Variants in GALNTL6 observed in about 807,000 individuals in gnomAD.
The protein encoded by GALNTL6 is polypeptide N-acetylgalactosaminyltransferase-like 6.
In GALNTL6, 46 loss-of-function variants were observed where a neutral mutation model predicts 73.7. That is an observed-to-expected ratio of 0.62 (90% CI 0.49 to 0.80). The LOEUF is 0.80. Ranked by LOEUF, GALNTL6 falls within the 30% of genes least tolerant of loss-of-function variation. The pLI, the probability that GALNTL6 is intolerant of heterozygous loss-of-function variation, is 0.00. For synonymous variants in GALNTL6, 259 were observed against 263.7 expected (o/e 0.98, Z 0.17); for missense variants, 604 against 755.0 (o/e 0.80, Z 2.34).
At chr4:172,392,889 G>A (rs1743715543) in intron 5 of GALNTL6, among the ~76,000 whole-genome samples, 2 of 152,184 alleles carry the variant, frequency 1.3e-5, no homozygotes, top group South Asian at 2.1e-4. Context: ...ACCAGTCCCC[G>A]CCCTGTTAAG....
intron 2 of GALNTL6, among the ~76,000 whole-genome samples, chr4:171,863,969 C>T (rs1578921356): frequency 6.6e-6 from 1 of 152,088 alleles, no homozygotes; most frequent in East Asian, 1.9e-4. Context: ...ACCATGTTGG[C>T]CAGGCTGGTC....
chr4:172,188,011 T>C (rs940824049), intron 2 of GALNTL6, among the ~76,000 whole-genome samples: 2 of 152,198 alleles, frequency 1.3e-5, no homozygotes, highest in African/African-American at 4.8e-5. Flanking sequence ...AGAGGTGGGC[T>C]GGTGGCTTAG....
intron 2 of GALNTL6, among the ~76,000 whole-genome samples, chr4:172,031,021 C>G (rs1292849876): frequency 1.3e-5 from 2 of 152,060 alleles, no homozygotes; most frequent in Non-Finnish European, 2.9e-5. Flanking sequence ...CCCATTCTGT[C>G]TCCAAGCTGG....
intron 5 of GALNTL6, among the ~76,000 whole-genome samples, chr4:172,590,834 A>T (rs1237419163): frequency 6.6e-6 from 1 of 152,158 alleles, no homozygotes; most frequent in Non-Finnish European, 1.5e-5. Context: ...AGCTCCTGTA[A>T]AATCCAATAA....
chr4:172,411,920 A>G (rs563713026), intron 5 of GALNTL6, among the ~76,000 whole-genome samples: 141 of 152,112 alleles, frequency 9.3e-4, no homozygotes, highest in Non-Finnish European at 1.4e-3. Flanking sequence ...ATAGAAAAGT[A>G]AAAAGTTAAA....
At chr4:172,703,085 A>AAGG (rs1347731555) in intron 5 of GALNTL6, among the ~76,000 whole-genome samples, 1 of 151,970 alleles carries the variant, frequency 6.6e-6, no homozygotes, top group Non-Finnish European at 1.5e-5. Context: ...AGAATACCCA[A>AAGG]GTCAATGTAA....
At chr4:173,039,113 A>C (rs1481901227) in intron 12 of GALNTL6, among the ~76,000 whole-genome samples, 1 of 152,224 alleles carries the variant, frequency 6.6e-6, no homozygotes, top group Non-Finnish European at 1.5e-5. Flanking sequence ...CTTGCTCACT[A>C]CTTAAACTTT....
At chr4:171,841,833 CTAAG>C (rs1355852575) in intron 2 of GALNTL6, among the ~76,000 whole-genome samples, 3 of 151,682 alleles carry the variant, frequency 2.0e-5, no homozygotes, top group Non-Finnish European at 2.9e-5. Flanking sequence ...AAAAATAAAA[CTAAG>C]TATAGCAATG....
chr4:172,352,571 T>C (rs1054505699), intron 5 of GALNTL6, among the ~76,000 whole-genome samples: 2 of 152,094 alleles, frequency 1.3e-5, no homozygotes, highest in African/African-American at 2.4e-5. Flanking sequence ...GGCATCCACA[T>C]GGAAAATGTT....
At chr4:172,868,502 T>G (rs1744770217) in intron 7 of GALNTL6, among the ~76,000 whole-genome samples, 1 of 152,358 alleles carries the variant, frequency 6.6e-6, no homozygotes, top group Admixed American at 6.5e-5. Flanking sequence ...AACCTGCTTT[T>G]AAGATGCATA....
intron 11 of GALNTL6, among the ~76,000 whole-genome samples, chr4:173,014,943 G>A (rs775482882): frequency 6.6e-6 from 1 of 152,174 alleles, no homozygotes; most frequent in Non-Finnish European, 1.5e-5. Flanking sequence ...ATGTGTCATG[G>A]GAGGGACCCA....
At chr4:172,365,364 T>C (rs969223785) in intron 5 of GALNTL6, among the ~76,000 whole-genome samples, 4 of 152,072 alleles carry the variant, frequency 2.6e-5, no homozygotes, top group African/African-American at 9.7e-5. Flanking sequence ...GTCGGAGATG[T>C]CATTTGTGGT....
chr4:172,789,301 T>C (rs2110923479), intron 5 of GALNTL6, among the ~76,000 whole-genome samples: 1 of 152,344 alleles, frequency 6.6e-6, no homozygotes, highest in East Asian at 1.9e-4. Flanking sequence ...ATGTATTTAG[T>C]GGTTTGTTAT....
intron 8 of GALNTL6, among the ~76,000 whole-genome samples, chr4:172,926,102 A>C (rs1401362996): frequency 1.3e-5 from 2 of 152,186 alleles, no homozygotes; most frequent in Admixed American, 6.5e-5. Flanking sequence ...GTCTGATATC[A>C]GAGTGCCAGC....
intron 2 of GALNTL6, among the ~76,000 whole-genome samples, chr4:171,926,197 T>C (rs1272685969): frequency 6.6e-6 from 1 of 152,166 alleles, no homozygotes; most frequent in Non-Finnish European, 1.5e-5. Context: ...TATTTTTATA[T>C]ACTTTTATCA....
chr4:172,301,123 T>C (rs1739899559), intron 3 of GALNTL6, among the ~76,000 whole-genome samples: 1 of 152,220 alleles, frequency 6.6e-6, no homozygotes. Flanking sequence ...CATTTGATCT[T>C]CCATCACTGA....
At chr4:172,593,753 G>T (rs1348120279) in intron 5 of GALNTL6, among the ~76,000 whole-genome samples, 1 of 151,742 alleles carries the variant, frequency 6.6e-6, no homozygotes, top group Non-Finnish European at 1.5e-5. Flanking sequence ...TTTTGAGACG[G>T]AGTTTCGCTC....
chr4:171,844,279 T>G (rs1046379417), intron 2 of GALNTL6, among the ~76,000 whole-genome samples: 1 of 152,172 alleles, frequency 6.6e-6, no homozygotes, highest in Non-Finnish European at 1.5e-5. Flanking sequence ...TTCCTTTACC[T>G]TCATCTTCAT....
At chr4:172,856,111 T>G (rs1222547541) in intron 7 of GALNTL6, among the ~76,000 whole-genome samples, 1 of 152,234 alleles carries the variant, frequency 6.6e-6, no homozygotes, top group Non-Finnish European at 1.5e-5. Context: ...TGCATTGTTA[T>G]CCTCAATGAT....
Sources: allele counts gnomAD v4.1 joint callset (sites outside exome capture counted in the v4.1 genomes callset), GRCh38; gene constraint gnomAD v4.1.1; transcripts MANE v1.5; gene names NCBI Gene and HGNC (gene_info 2026-07-23, HGNC 2026-07-21).